QNG1: variants seen among roughly 807,000 people sequenced by gnomAD.
The protein encoded by QNG1 is Q-nucleotide N-glycosylase 1, also known as queuosine 5'-phosphate N-glycosylase/hydrolase.
At chr9:83,942,856 T>C in the QNG1 span, among the ~76,000 whole-genome samples, 8 of 152,220 alleles carry the variant, frequency 5.3e-5, no homozygotes, top group Non-Finnish European at 8.8e-5. Context: ...AAAGAGCCTC[T>C]GGAGTTGAAA....
At chr9:83,953,257 CTTTTCAG>C in the QNG1 span, among the ~76,000 whole-genome samples, 1 of 152,130 alleles carries the variant, frequency 6.6e-6, no homozygotes, top group South Asian at 2.1e-4. Flanking sequence ...AAAAATTGAA[CTTTTCAG>C]CAAAGCAAAA....
At chr9:83,951,571 C>A in the QNG1 span, among the ~76,000 whole-genome samples, 1 of 151,826 alleles carries the variant, frequency 6.6e-6, no homozygotes, top group African/African-American at 2.4e-5. Flanking sequence ...AAAACAACAA[C>A]AAAAAAACTA....
the QNG1 span, among the ~76,000 whole-genome samples, chr9:83,946,019 A>T: frequency 1.3e-5 from 2 of 152,082 alleles, no homozygotes; most frequent in African/African-American, 4.8e-5. Flanking sequence ...TATACAGCCA[A>T]GTATAGGCCA....
chr9:83,951,430 C>T, the QNG1 span, among the ~76,000 whole-genome samples: 3 of 151,978 alleles, frequency 2.0e-5, no homozygotes, highest in East Asian at 1.9e-4. Context: ...CGTGGTGGTG[C>T]GCACCTCTAA....
chr9:83,955,533 G>A, the QNG1 span: 6 of 1,614,064 alleles, frequency 3.7e-6, no homozygotes, highest in Middle Eastern at 3.3e-4. Flanking sequence ...AGAATCCGAT[G>A]CCTCTCTTCT....
At chr9:83,940,218 A>G in the QNG1 span, among the ~76,000 whole-genome samples, 2 of 152,172 alleles carry the variant, frequency 1.3e-5, no homozygotes, top group Admixed American at 1.3e-4. Flanking sequence ...CAGCCTGGGC[A>G]ACATGACAAA....
At chr9:83,947,751 G>C in the QNG1 span, among the ~76,000 whole-genome samples, 279 of 152,386 alleles carry the variant, frequency 1.8e-3, 2 homozygotes, top group Middle Eastern at 6.8e-3. Flanking sequence ...CTGACCGCGA[G>C]TGATCTGCCC....
At chr9:83,951,157 G>A in the QNG1 span, among the ~76,000 whole-genome samples, 1 of 152,120 alleles carries the variant, frequency 6.6e-6, no homozygotes, top group Non-Finnish European at 1.5e-5. Flanking sequence ...TGTAATCCCA[G>A]CTACTCGGGA....
At chr9:83,946,645 G>A in the QNG1 span, among the ~76,000 whole-genome samples, 1 of 152,120 alleles carries the variant, frequency 6.6e-6, no homozygotes, top group East Asian at 1.9e-4. Flanking sequence ...CCATCAATTT[G>A]GGAGGCCAAA....
chr9:83,939,837 T>A, the QNG1 span: 6 of 803,838 alleles, frequency 7.5e-6, no homozygotes, highest in South Asian at 9.5e-5. Flanking sequence ...ATTTAAATGG[T>A]ACTCATTTTA....
At chr9:83,955,092 G>A in the QNG1 span, among the ~76,000 whole-genome samples, 6 of 150,954 alleles carry the variant, frequency 4.0e-5, no homozygotes, top group Admixed American at 1.3e-4. Context: ...CAAGCTACTC[G>A]GGAGGCTGAG....
chr9:83,954,165 AT>A, the QNG1 span, among the ~76,000 whole-genome samples: 3 of 152,146 alleles, frequency 2.0e-5, no homozygotes, highest in South Asian at 6.2e-4. Flanking sequence ...AAGTGCTGGG[AT>A]TACAGGAGTG....
the QNG1 span, chr9:83,953,746 C>T: frequency 2.7e-6 from 4 of 1,492,028 alleles, no homozygotes; most frequent in Non-Finnish European, 9.1e-7. Flanking sequence ...CAACCTCCCC[C>T]TCCCAGGTTC....
chr9:83,953,833 G>T, the QNG1 span: 6 of 1,543,788 alleles, frequency 3.9e-6, no homozygotes, highest in Non-Finnish European at 5.3e-6. Context: ...ATCATCATTT[G>T]TTCAAGTACA....
At chr9:83,953,285 G>A in the QNG1 span, among the ~76,000 whole-genome samples, 1 of 151,818 alleles carries the variant, frequency 6.6e-6, no homozygotes, top group Admixed American at 6.6e-5. Flanking sequence ...CCAAAGCACT[G>A]TGCTATAAAT....
chr9:83,952,527 G>A, the QNG1 span, among the ~76,000 whole-genome samples: 2 of 152,054 alleles, frequency 1.3e-5, no homozygotes, highest in Non-Finnish European at 2.9e-5. Context: ...CAGGTGCGGT[G>A]GCTCACGCCT....
the QNG1 span, chr9:83,956,660 G>T: frequency 1.8e-6 from 1 of 571,172 alleles, no homozygotes; most frequent in Non-Finnish European, 2.9e-6. Flanking sequence ...CCAAGGTAAA[G>T]GTTCTCTCCC....
chr9:83,956,571 C>T, the QNG1 span: 1 of 1,347,976 alleles, frequency 7.4e-7, no homozygotes. Flanking sequence ...CTGCGCCTTG[C>T]GCTACTACGA....
chr9:83,948,042 G>A, the QNG1 span, among the ~76,000 whole-genome samples: 10 of 149,236 alleles, frequency 6.7e-5, no homozygotes, highest in African/African-American at 2.5e-4. Flanking sequence ...GCCTCTTCCC[G>A]GCTGCCATCC....
Sources: gnomAD v4.1 joint callset for allele counts (sites outside exome capture counted in the v4.1 genomes callset) on GRCh38, gnomAD v4.1.1 for gene constraint, MANE v1.5 for transcripts, NCBI Gene and HGNC (gene_info 2026-07-23, HGNC 2026-07-21) for gene names.